NAV2: variants seen among roughly 807,000 people sequenced by gnomAD.
The protein encoded by NAV2 is helicase, APC down-regulated 1.
In NAV2, 54 loss-of-function variants were observed where a neutral mutation model predicts 223.2. The ratio of observed to expected loss-of-function variants is 0.24; its 90% CI spans 0.19 to 0.30. The LOEUF is 0.30. Ranked by LOEUF, NAV2 falls within the 10% of genes least tolerant of loss-of-function variation. The pLI is 1.00. For synonymous variants in NAV2, 1,279 were observed against 1,239.3 expected, an observed-to-expected ratio of 1.03 and a Z score of -0.67; for missense variants, 2,806 against 3,147.5, an observed-to-expected ratio of 0.89 and a Z score of 2.60.
chr11:19,656,460 G>A (rs1422897773), intron 1 of NAV2, among the ~76,000 whole-genome samples: 3 of 152,206 alleles, frequency 2.0e-5, no homozygotes, highest in Non-Finnish European at 4.4e-5. Flanking sequence ...CCGTGAGTGA[G>A]GGGGGAGAGG....
At chr11:20,084,195 G>T (rs1246667653) in intron 26 of NAV2, among the ~76,000 whole-genome samples, 2 of 152,168 alleles carry the variant, frequency 1.3e-5, no homozygotes, top group African/African-American at 4.8e-5. Context: ...CTGCCCAGGT[G>T]CAAGCAATTC....
chr11:19,584,810 A>G (rs1004369861), intron 1 of NAV2, among the ~76,000 whole-genome samples: 44 of 152,274 alleles, frequency 2.9e-4, no homozygotes, highest in African/African-American at 9.9e-4. Flanking sequence ...TATGTGGTCA[A>G]TTTTGGAATA....
chr11:19,412,501 C>G (rs1394492906), intron 1 of NAV2, among the ~76,000 whole-genome samples: 1 of 151,978 alleles, frequency 6.6e-6, no homozygotes, highest in East Asian at 1.9e-4. Context: ...ACAGTTTCAG[C>G]AGACTTAAAC....
At chr11:19,672,573 T>C (rs2135816028) in intron 1 of NAV2, among the ~76,000 whole-genome samples, 1 of 152,306 alleles carries the variant, frequency 6.6e-6, no homozygotes, top group African/African-American at 2.4e-5. Flanking sequence ...GTAAATGCTC[T>C]GCAAATGGTG....
intron 1 of NAV2, among the ~76,000 whole-genome samples, chr11:19,759,496 G>A (rs905081001): frequency 2.6e-5 from 4 of 152,134 alleles, no homozygotes; most frequent in Admixed American, 6.5e-5. Flanking sequence ...GTCGGTGAAA[G>A]TCTTTCTGGG....
At position 19,490,666 on chromosome 11, in the gene NAV2, A is replaced by C. The variant is rs139441219; in HGVS notation, c.75+139639A>C. Among the ~76,000 whole-genome samples, 248 of 152,342 alleles carry C rather than the reference A, an allele frequency of 1.6e-3. 1 individual carries two copies. Among genetic ancestry groups the C allele is most frequent in the African/African-American group, 4.1e-3 (169 of 41,576 alleles). Reference sequence around the variant, plus strand: ...TTCCACTGAGGTCTTGAACCTCTCAAAGCCATCCATGAAGATTGGAATCAA... The same window carrying C: ...TTCCACTGAGGTCTTGAACCTCTCACAGCCATCCATGAAGATTGGAATCAA... On this transcript the variant is annotated intron_variant, in intron 1 of 37. Transcript: ENST00000360655.
At position 19,616,641 on chromosome 11, in the gene NAV2, C is replaced by T. The variant is rs569863024; in HGVS notation, c.76-215843C>T. Among the ~76,000 whole-genome samples the T allele has an allele frequency of 3.9e-5, 6 of 152,034 alleles. No individual in the cohort carries two copies. The South Asian group carries it at 1.2e-3, about 32-fold the overall frequency. On this transcript the variant is annotated intron_variant, in intron 1 of 37. Transcript: ENST00000360655. ...CCACGTGCCCTGATGATGGGGAGGA[C>T]AGGGCTGTCCTGCATGCCCTGAGAC...
At chr11:19,399,003 T>C (rs1403722254) in intron 1 of NAV2, among the ~76,000 whole-genome samples, 2 of 152,238 alleles carry the variant, frequency 1.3e-5, no homozygotes, top group Admixed American at 1.3e-4. Flanking sequence ...ATTGGCTCTT[T>C]TGTAATGCAT....
intron 1 of NAV2, among the ~76,000 whole-genome samples, chr11:19,426,017 G>C (rs1410676620): frequency 6.6e-6 from 1 of 152,190 alleles, no homozygotes; most frequent in Non-Finnish European, 1.5e-5. Flanking sequence ...GATTTAGCAA[G>C]ATATTATGGG....
chr11:19,487,564 C>G (rs1317985099), intron 1 of NAV2, among the ~76,000 whole-genome samples: 2 of 152,156 alleles, frequency 1.3e-5, no homozygotes, highest in Non-Finnish European at 2.9e-5. Context: ...CTATAGCCTT[C>G]TTGGACTGCT....
chr11:19,640,101 G>T (rs776222678), intron 1 of NAV2, among the ~76,000 whole-genome samples: 10 of 152,218 alleles, frequency 6.6e-5, no homozygotes, highest in Non-Finnish European at 1.5e-4. Context: ...AGCCATTTGG[G>T]CTTTAAAACA....
At chr11:19,912,096 A>G (rs2707102) in intron 6 of NAV2, among the ~76,000 whole-genome samples, 7,358 of 152,280 alleles carry the variant, frequency 0.048, 608 homozygotes, top group African/African-American at 0.17. Flanking sequence ...CTTACATTCT[A>G]ATTTTTAAGC....
intron 1 of NAV2, among the ~76,000 whole-genome samples, chr11:19,492,889 C>T (rs76577057): frequency 0.024 from 3,717 of 152,244 alleles, 55 homozygotes; most frequent in Middle Eastern, 0.037. Flanking sequence ...ACGGTACATC[C>T]TAAGTCAGTG....
At chr11:19,756,169 G>A (rs1895727) in intron 1 of NAV2, among the ~76,000 whole-genome samples, 35,400 of 151,810 alleles carry the variant, frequency 0.23, 5,063 homozygotes, top group Middle Eastern at 0.38. Flanking sequence ...TGAATCTGTG[G>A]GTTGGTTACG....
At chr11:19,376,849 C>T (rs1848657684) in intron 1 of NAV2, among the ~76,000 whole-genome samples, 1 of 152,174 alleles carries the variant, frequency 6.6e-6, no homozygotes, top group African/African-American at 2.4e-5. Context: ...GGAGCCAAGT[C>T]TGGATGTGTA....
chr11:19,950,984 G>C lies in NAV2; in HGVS notation c.2645+1904G>C, dbSNP rs183959522. 3.5e-3 allele frequency among the ~76,000 whole-genome samples: 534 copies of C among 152,308 alleles called. 1 individual carries two copies. Among genetic ancestry groups the C allele is most frequent in the African/African-American group, 0.012 (503 of 41,584 alleles). Reference sequence around the variant, plus strand: ...TCTGAGAAGCATTCCTGCCTTCTGCGTATGGGGCAGAGCCCTCTCTGTAAT... The same window carrying C: ...TCTGAGAAGCATTCCTGCCTTCTGCCTATGGGGCAGAGCCCTCTCTGTAAT... On this transcript the variant is annotated intron_variant, in intron 10 of 37. Coordinates refer to ENST00000349880, the MANE Select transcript of NAV2 (RefSeq NM_145117.5).
intron 11 of NAV2, among the ~76,000 whole-genome samples, chr11:19,992,868 C>A (rs781485572): frequency 5.9e-5 from 9 of 152,170 alleles, no homozygotes; most frequent in Non-Finnish European, 1.2e-4. Flanking sequence ...GCTGAGATTA[C>A]AGACATGAGC....
intron 1 of NAV2, among the ~76,000 whole-genome samples, chr11:19,438,735 T>G (rs1192499581): frequency 6.6e-6 from 1 of 152,188 alleles, no homozygotes; most frequent in Non-Finnish European, 1.5e-5. Context: ...TACAGATTAG[T>G]AGTCCAAAGG....
rs200316901 is a variant in NAV2, at chr11:19,747,141, G to A, written c.267+33179G>A. 4.8e-3 allele frequency among the ~76,000 whole-genome samples: 688 copies of A among 142,924 alleles called. 20 individuals carry two copies. The East Asian group carries it at 0.073, about 15-fold the overall frequency. 93.8% of individuals were successfully genotyped at this position (142,924 alleles called of 152,430 possible). ...TCCCACCTATGAGTGAGAACATGCG[G>A]TATTTGGTTTTTTGTCCTTGCGATA... On this transcript the variant is annotated intron_variant, in intron 1 of 37. Transcript: ENST00000349880.
Sources: gnomAD v4.1 joint callset for allele counts (sites outside exome capture counted in the v4.1 genomes callset) on GRCh38, gnomAD v4.1.1 for gene constraint, MANE v1.5 for transcripts, NCBI Gene and HGNC (gene_info 2026-07-23, HGNC 2026-07-21) for gene names.